Variants in PPP3CA observed in about 807,000 individuals in gnomAD.
PPP3CA encodes the protein CAM-PRP catalytic subunit.
PPP3CA carries 14 observed loss-of-function variants against 66.5 expected under a neutral mutation model. The ratio of observed to expected loss-of-function variants is 0.21; its 90% CI spans 0.14 to 0.33. PPP3CA has a LOEUF of 0.33. Ranked by LOEUF, PPP3CA falls within the 10% of genes least tolerant of loss-of-function variation. PPP3CA has a pLI of 1.00. For synonymous variants in PPP3CA, 232 were observed against 226.2 expected (o/e 1.03, Z -0.23); for missense variants, 317 against 639.5 (o/e 0.50, Z 5.44).
intron 2 of PPP3CA, among the ~76,000 whole-genome samples, chr4:101,124,616 G>T (rs553761640): frequency 7.4e-6 from 1 of 135,214 alleles, no homozygotes; most frequent in East Asian, 2.2e-4. Flanking sequence ...CTCAAAAAAA[G>T]AAAAAAGAGA....
intron 1 of PPP3CA, among the ~76,000 whole-genome samples, chr4:101,288,831 T>A (rs1035577592): frequency 6.6e-6 from 1 of 152,086 alleles, no homozygotes; most frequent in Non-Finnish European, 1.5e-5. Flanking sequence ...GCTGGGGCAA[T>A]GTGTTAACCC....
Position 101,195,919 on chromosome 4 carries a change from T to A in PPP3CA, c.256A>T (p.Thr86Ser). ...AACCTCCCTCCTCAGGACTTACCAGTGACTGGCGCATCAATATCCAGCAAA... is the reference window on the plus strand; with the variant it reads ...AACCTCCCTCCTCAGGACTTACCAGAGACTGGCGCATCAATATCCAGCAAA... ...KNLLDIDAPV[T>S]VCGDIHGQFF... is the part of the protein sequence containing the mutation. Residue 86 changes from threonine to serine, a missense_variant, in exon 2 of 14, where the codon ACT becomes TCT. Physicochemically the swap from Thr to Ser is moderately conservative, Grantham distance 58 (BLOSUM62 1). Around this residue, in one of 3 missense-constraint regions of PPP3CA, gnomAD observed 201 missense variants for 501.4 expected, o/e 0.40. Transcript: ENST00000394854. The A allele has an allele frequency of 6.2e-7, 1 of 1,613,758 alleles. No homozygotes were observed. Among genetic ancestry groups the A allele is most frequent in the Non-Finnish European group, 8.5e-7 (1 of 1,179,792 alleles).
chr4:101,137,002 G>A (rs1330488328), intron 2 of PPP3CA, among the ~76,000 whole-genome samples: 1 of 152,108 alleles, frequency 6.6e-6, no homozygotes, highest in African/African-American at 2.4e-5. Flanking sequence ...CATGACTAGT[G>A]TTTGACCAAC....
chr4:101,116,454 AT>A (rs1721840046), intron 2 of PPP3CA, among the ~76,000 whole-genome samples: 1 of 151,822 alleles, frequency 6.6e-6, no homozygotes. Context: ...AAAATCTACA[AT>A]TTTGCAGAGA....
intron 1 of PPP3CA, among the ~76,000 whole-genome samples, chr4:101,335,607 G>A (rs1729604113): frequency 6.6e-6 from 1 of 151,986 alleles, no homozygotes; most frequent in Non-Finnish European, 1.5e-5. Context: ...CTAAGTTCTG[G>A]GAAAAAATAA....
intron 2 of PPP3CA, among the ~76,000 whole-genome samples, chr4:101,184,820 T>G (rs1340452740): frequency 6.6e-6 from 1 of 152,122 alleles, no homozygotes; most frequent in Non-Finnish European, 1.5e-5. Context: ...TAATTACCAT[T>G]CTTTAGCACT....
chr4:101,308,621 C>T (rs2583396), intron 1 of PPP3CA, among the ~76,000 whole-genome samples: 67,032 of 151,852 alleles, frequency 0.44, 17,405 homozygotes, highest in African/African-American at 0.72. Flanking sequence ...AACTTTTTAA[C>T]TTTTTGCAGA....
chr4:101,095,425 A>G (rs1730151667), intron 5 of PPP3CA, among the ~76,000 whole-genome samples: 1 of 152,186 alleles, frequency 6.6e-6, no homozygotes, highest in Admixed American at 6.5e-5. Context: ...CAAATACAAA[A>G]AAACTTGATA....
intron 1 of PPP3CA, chr4:101,330,365 A>G: frequency 1.9e-6 from 1 of 515,356 alleles, no homozygotes; most frequent in Non-Finnish European, 3.9e-6. Flanking sequence ...GAATCTAAAA[A>G]ATCTACTTTC....
Position 101,286,530 on chromosome 4 carries a change from G to T in PPP3CA, c.58+60209C>A, listed in dbSNP as rs181105919. On this transcript the variant is annotated intron_variant, in intron 1 of 13. Coordinates refer to ENST00000394854, the MANE Select transcript of PPP3CA (RefSeq NM_000944.5). The stretch of plus-strand genomic sequence containing the variant: ...GAAAAATCCTGGAATCTCACAAATG[G>T]AAGTTATGAAGTTAATTACGTTAAT... Among the ~76,000 whole-genome samples, 761 of 152,190 alleles carry T rather than the reference G, an allele frequency of 5.0e-3. 6 individuals carry two copies. The highest frequency in any genetic ancestry group is 0.017 in the African/African-American group (715 of 41,516).
At chr4:101,210,778 C>A (rs1274259547) in intron 1 of PPP3CA, among the ~76,000 whole-genome samples, 2 of 151,988 alleles carry the variant, frequency 1.3e-5, no homozygotes, top group Non-Finnish European at 2.9e-5. Flanking sequence ...ACATTCGCTG[C>A]CAGTATTAAT....
chr4:101,344,765 C>A (rs911310477), intron 1 of PPP3CA, among the ~76,000 whole-genome samples: 10 of 152,174 alleles, frequency 6.6e-5, no homozygotes, highest in Non-Finnish European at 1.2e-4. Context: ...TGACTTTACA[C>A]CTACATTAAG....
intron 1 of PPP3CA, among the ~76,000 whole-genome samples, chr4:101,240,500 T>C (rs1478638118): frequency 6.6e-6 from 1 of 152,082 alleles, no homozygotes; most frequent in African/African-American, 2.4e-5. Context: ...TATTAAGATT[T>C]CTGTTTGTGT....
chr4:101,292,349 A>G (rs1728055152), intron 1 of PPP3CA, among the ~76,000 whole-genome samples: 1 of 152,182 alleles, frequency 6.6e-6, no homozygotes, highest in African/African-American at 2.4e-5. Flanking sequence ...GTTGACTTTC[A>G]TTGCTTTCTG....
In PPP3CA at chr4:101,106,441, GA is replaced by G. The variant is rs1314437086; in HGVS notation, c.384+2512del. ...AGAAAGAAAGAAAGAAAGAAAGAAAGAAAGAAAGAAAGAGAAAAGAAAAGAA... is the reference window on the plus strand; with the variant it reads ...AGAAAGAAAGAAAGAAAGAAAGAAAGAAGAAAGAAAGAGAAAAGAAAAGAA... On this transcript the variant is annotated intron_variant, in intron 3 of 13. Transcript: ENST00000394854. 5.7e-3 allele frequency among the ~76,000 whole-genome samples: 64 copies of G among 11,302 alleles called. 11 individuals carry two copies. The highest frequency in any genetic ancestry group is 8.8e-3 in the African/African-American group (28 of 3,200). 7.4% of individuals were successfully genotyped at this position (11,302 alleles called of 152,430 possible).
rs560045589 is a variant in PPP3CA, at chr4:101,334,482, C to T, written c.58+12257G>A. ...CATGGGATATGGATTTAAAAAGAAG[C>T]ATGAAAGTTAACTCTCAAAAAGGCT... is the stretch of plus-strand genomic sequence containing the variant. On this transcript the variant is annotated intron_variant, in intron 1 of 13. Coordinates refer to ENST00000394854, the MANE Select transcript of PPP3CA (RefSeq NM_000944.5). Among the ~76,000 whole-genome samples, 45 of 152,174 alleles carry T rather than the reference C, an allele frequency of 3.0e-4. No homozygotes were observed. In the South Asian group the frequency reaches 9.1e-3, roughly 31 times the overall value.
intron 2 of PPP3CA, among the ~76,000 whole-genome samples, chr4:101,152,346 A>G (rs1268710002): frequency 6.6e-6 from 1 of 152,228 alleles, no homozygotes; most frequent in Non-Finnish European, 1.5e-5. Context: ...GAGAATAACT[A>G]GCAGAAGTGT....
rs1728684496 is a variant in PPP3CA, at chr4:101,310,389, T to C, written c.58+36350A>G. ...CTTGCAAAGAACAGAAATAGTAAAT[T>C]ATATAAACTACATTTTAAAAGAAAA... On this transcript the variant is annotated intron_variant, in intron 1 of 13. Coordinates refer to ENST00000394854, the MANE Select transcript of PPP3CA (RefSeq NM_000944.5). Among the ~76,000 whole-genome samples the C allele has an allele frequency of 2.0e-5, 3 of 152,196 alleles. No homozygotes were observed. The South Asian group carries it at 6.2e-4, about 32-fold the overall frequency.
intron 2 of PPP3CA, among the ~76,000 whole-genome samples, chr4:101,147,303 A>T (rs1723001315): frequency 6.6e-6 from 1 of 152,186 alleles, no homozygotes; most frequent in East Asian, 1.9e-4. Flanking sequence ...AATTTCCTTT[A>T]TACTTTTTAC....
Sources: gnomAD v4.1 joint callset for allele counts (sites outside exome capture counted in the v4.1 genomes callset) on GRCh38, gnomAD v4.1.1 for gene constraint, gnomAD v4.1.1 regional missense constraint, MANE v1.5 for transcripts, NCBI Gene and HGNC (gene_info 2026-07-23, HGNC 2026-07-21) for gene names.